The following GCH1 variants were observed in gnomAD, a reference collection of about 807,000 sequenced individuals.
The protein encoded by GCH1 is GTP cyclohydrolase 1, also known as GTP cyclohydrolase I.
In GCH1, 5 loss-of-function variants were observed where a neutral mutation model predicts 25.9. The observed-to-expected ratio is 0.19, with a 90% CI of 0.10 to 0.41. The LOEUF is 0.41. GCH1 is among the 10% of genes least tolerant of loss of function. The probability of loss-of-function intolerance (pLI) is 1.00; values close to 1 mark genes in which losing one functional copy is unlikely to be tolerated. For synonymous variants in GCH1, 159 were observed against 129.6 expected (o/e 1.23, Z -1.54); for missense variants, 261 against 336.5 (o/e 0.78, Z 1.75).
At position 54,865,425 on chromosome 14, in the gene GCH1, C is replaced by T. The variant is rs1221794990; in HGVS notation, c.355G>A (p.Asp119Asn). The T allele has an allele frequency of 5.2e-6, 8 of 1,528,854 alleles. No homozygotes were observed. The highest frequency in any genetic ancestry group is 1.4e-5 in the African/African-American group (1 of 73,412). 94.7% of individuals were successfully genotyped at this position (1,528,854 alleles called of 1,614,324 possible). A position where few individuals can be genotyped will look rare whatever the true frequency, so the allele number is the denominator to read the frequency against. ...TCATGATCTTCATCAAATATAGCAT[C>T]GTTTAGGACATCTGAAATCAGAGGC... ...YQETISDVLNDAIFDEDHDEM... is the reference protein window; with the variant it reads ...YQETISDVLNNAIFDEDHDEM... The change falls in exon 2 of 6, where the codon GAT (aspartate) becomes AAT (asparagine). Residue 119 changes from aspartate (D) to asparagine (N), a missense_variant. Coordinates refer to ENST00000491895, the MANE Select transcript of GCH1 (RefSeq NM_000161.3).
intron 1 of GCH1, among the ~76,000 whole-genome samples, chr14:54,884,447 C>A (rs1483729730): frequency 2.0e-5 from 3 of 152,158 alleles, no homozygotes; most frequent in Non-Finnish European, 4.4e-5. Context: ...TCTTTTAGAG[C>A]ATTGTTTTCT....
chr14:54,867,008 C>G (rs1404906124), intron 1 of GCH1, among the ~76,000 whole-genome samples: 1 of 152,042 alleles, frequency 6.6e-6, no homozygotes, highest in African/African-American at 2.4e-5. Flanking sequence ...AAAAGAAGAC[C>G]AAAAATAGAT....
chr14:54,892,963 C>T (rs1381079181), intron 1 of GCH1, among the ~76,000 whole-genome samples: 1 of 152,084 alleles, frequency 6.6e-6, no homozygotes, highest in Admixed American at 6.5e-5. Context: ...CCTGTAATCC[C>T]AGCTACTCGG....
chr14:54,891,405 ATTTTTT>A (rs538686624), intron 1 of GCH1, among the ~76,000 whole-genome samples: 5 of 109,032 alleles, frequency 4.6e-5, no homozygotes, highest in Non-Finnish European at 3.6e-5. Context: ...CATGCCTGGC[ATTTTTT>A]TTTTTTTTTT....
At chr14:54,864,996 TAATA>T (rs2039970349) in intron 2 of GCH1, among the ~76,000 whole-genome samples, 2 of 149,070 alleles carry the variant, frequency 1.3e-5, no homozygotes, top group African/African-American at 2.5e-5. Context: ...GGGATGCTAA[TAATA>T]AATAAATAAA....
chr14:54,870,891 C>G (rs901765380), intron 1 of GCH1, among the ~76,000 whole-genome samples: 1 of 152,216 alleles, frequency 6.6e-6, no homozygotes, highest in African/African-American at 2.4e-5. Flanking sequence ...TCAAGGAGCC[C>G]TGCCTGCCTC....
chr14:54,857,755 T>A (rs994016180), intron 3 of GCH1, among the ~76,000 whole-genome samples: 1 of 152,076 alleles, frequency 6.6e-6, no homozygotes, highest in African/African-American at 2.4e-5. Context: ...GGTAAGTTAC[T>A]GGGAAGGGAG....
intron 3 of GCH1, among the ~76,000 whole-genome samples, chr14:54,852,024 A>G (rs1049785855): frequency 2.6e-5 from 4 of 152,224 alleles, no homozygotes; most frequent in Non-Finnish European, 4.4e-5. Context: ...TACTGACCTC[A>G]GGTGATCTGC....
At position 54,861,934 on chromosome 14, in the gene GCH1, T is replaced by C. The variant is rs142026161; in HGVS notation, c.454-2198A>G. Among the ~76,000 whole-genome samples, 391 of 152,276 alleles carry C rather than the reference T, an allele frequency of 2.6e-3. 4 individuals carry two copies. The highest frequency in any genetic ancestry group is 8.9e-3 in the African/African-American group (370 of 41,530). Reference sequence around the variant, plus strand: ...TTTCTGTGCCTAATTTGCTCACCAATAGATTCCCTTTCAAAGATTCCTTCA... The same window carrying C: ...TTTCTGTGCCTAATTTGCTCACCAACAGATTCCCTTTCAAAGATTCCTTCA... On this transcript the variant is annotated intron_variant, in intron 2 of 5. Coordinates refer to ENST00000491895, the MANE Select transcript of GCH1 (RefSeq NM_000161.3).
intron 1 of GCH1, among the ~76,000 whole-genome samples, chr14:54,901,342 C>G (rs2040563691): frequency 6.6e-6 from 1 of 151,790 alleles, no homozygotes; most frequent in African/African-American, 2.4e-5. Flanking sequence ...GTCTTTGGTC[C>G]CAGCTGTAGA....
intron 2 of GCH1, among the ~76,000 whole-genome samples, chr14:54,862,262 C>G (rs1158878836): frequency 6.6e-6 from 1 of 151,710 alleles, no homozygotes; most frequent in Non-Finnish European, 1.5e-5. Context: ...AACTATTGAC[C>G]TGAAGCTATC....
intron 3 of GCH1, among the ~76,000 whole-genome samples, chr14:54,849,492 T>C (rs2039693111): frequency 6.6e-6 from 1 of 152,236 alleles, no homozygotes; most frequent in Non-Finnish European, 1.5e-5. Flanking sequence ...TGTTGCCTTT[T>C]AGATAATCGA....
At chr14:54,863,565 T>C (rs1378060952) in intron 2 of GCH1, among the ~76,000 whole-genome samples, 1 of 136,578 alleles carries the variant, frequency 7.3e-6, no homozygotes, top group East Asian at 2.1e-4. Context: ...ATAGATAAAT[T>C]GTGGTATATT....
chr14:54,894,192 G>A (rs1190525689), intron 1 of GCH1, among the ~76,000 whole-genome samples: 2 of 152,202 alleles, frequency 1.3e-5, no homozygotes, highest in Non-Finnish European at 2.9e-5. Flanking sequence ...TTATTTGGAA[G>A]TAGGGTTGTT....
At position 54,855,505 on chromosome 14, in the gene GCH1, C is replaced by CAAAAAAAAA. The variant is rs764999718; in HGVS notation, c.509+4167_509+4175dup. The stretch of plus-strand genomic sequence containing the variant: ...TGGGCGACAGAGAAAGACCCTGTCT[C>CAAAAAAAAA]AAAAAAAAAAAAAAAAAAAAAAAAG... On this transcript the variant is annotated intron_variant, in intron 3 of 5. Transcript: ENST00000491895. Among the ~76,000 whole-genome samples the CAAAAAAAAA allele has an allele frequency of 3.9e-3, 142 of 36,416 alleles. 22 individuals carry two copies. Among genetic ancestry groups the CAAAAAAAAA allele is most frequent in the African/African-American group, 0.02 (114 of 5,646 alleles). The allele number at this position is 36,416 out of a possible 152,430, so 23.9% of individuals were successfully genotyped here. A position where few individuals can be genotyped will look rare whatever the true frequency, so the allele number is the denominator to read the frequency against.
chr14:54,902,655 C>T lies in GCH1; in HGVS notation c.9G>A (p.Lys3=), dbSNP rs1166344600. The stretch of plus-strand genomic sequence containing the variant: ...TCTCCGCCGGTGCCCGCACAGGGCC[C>T]TTCTCCATGGACCCGCCGCAGCCGC... The part of the protein sequence containing the change: ME[K]GPVRAPAEKP... The change falls in exon 1 of 6, where the codon AAG becomes AAA. Residue 3 remains lysine (K), a synonymous_variant. Transcript: ENST00000491895. 1 of 1,472,852 alleles carries T rather than the reference C, an allele frequency of 6.8e-7. No homozygotes were observed. The highest frequency in any genetic ancestry group is 1.3e-5 in the South Asian group (1 of 76,530). The allele number at this position is 1,472,852 out of a possible 1,614,324, so 91.2% of individuals were successfully genotyped here.
rs370780445 is a variant in GCH1 at position 54,880,740 on chromosome 14, C to CAT, written c.344-15306_344-15305dup. Among the ~76,000 whole-genome samples, 32 of 39,200 alleles carry CAT rather than the reference C, an allele frequency of 8.2e-4. 2 individuals are homozygous for CAT. The highest frequency in any genetic ancestry group is 4.5e-3 in the East Asian group (5 of 1,118). 25.7% of individuals were successfully genotyped at this position (39,200 alleles called of 152,430 possible). On this transcript the variant is annotated intron_variant, in intron 1 of 5. Coordinates refer to ENST00000491895, the MANE Select transcript of GCH1 (RefSeq NM_000161.3). ...TATACTCATATATATATATATACTC[C>CAT]ATATATATATACTCCATATATATAT...
intron 1 of GCH1, among the ~76,000 whole-genome samples, chr14:54,868,322 C>A (rs371316069): frequency 2.0e-5 from 3 of 151,966 alleles, no homozygotes; most frequent in African/African-American, 7.3e-5. Context: ...GAGGCTAAGG[C>A]AGGAGGATCA....
intron 1 of GCH1, among the ~76,000 whole-genome samples, chr14:54,888,712 A>T (rs2040386726): frequency 6.8e-6 from 1 of 147,494 alleles, no homozygotes; most frequent in East Asian, 2.0e-4. Context: ...TTTAGTAGAG[A>T]CAGGGTTTCA....
Sources: allele counts gnomAD v4.1 joint callset (sites outside exome capture counted in the v4.1 genomes callset), GRCh38; gene constraint gnomAD v4.1.1; transcripts MANE v1.5; gene names NCBI Gene and HGNC (gene_info 2026-07-23, HGNC 2026-07-21).